LIPA: variants seen among roughly 807,000 people sequenced by gnomAD.
The protein encoded by LIPA is lipase A, lysosomal acid type, also known as lysosomal acid lipase/cholesteryl ester hydrolase.
A neutral mutation model predicts 40.6 loss-of-function variants in LIPA; 26 were observed. The observed-to-expected ratio is 0.64, with a 90% CI of 0.47 to 0.89. LIPA has a LOEUF of 0.89. Ranked by LOEUF, LIPA falls within the 40% of genes least tolerant of loss-of-function variation. LIPA has a pLI of 0.00. For synonymous variants in LIPA, 188 were observed against 168.4 expected (o/e 1.12, Z -0.90); for missense variants, 455 against 479.6 (o/e 0.95, Z 0.48).
At chr10:89,276,141 ACACT>A (rs1290621889) in intron 1 of LIPA, among the ~76,000 whole-genome samples, 1 of 152,232 alleles carries the variant, frequency 6.6e-6, no homozygotes, top group African/African-American at 2.4e-5. Context: ...CATTAAGAAG[ACACT>A]CACTCTCACG....
intron 4 of LIPA, 160 bp from the exon 5 acceptor site, chr10:89,227,164 TG>T (rs1842780648): frequency 1.5e-6 from 1 of 646,800 alleles, no homozygotes; most frequent in African/African-American, 1.8e-5. Context: ...GAAGCCCCCT[TG>T]GGCTCTCTTC....
chr10:89,284,316 A>G (rs1843330021), intron 1 of LIPA: 1 of 152,236 alleles, frequency 6.6e-6, no homozygotes, highest in Non-Finnish European at 1.5e-5. Context: ...TTCATCATAG[A>G]GGCAGGGTTT....
intron 3 of LIPA, among the ~76,000 whole-genome samples, chr10:89,236,399 C>A (rs1171022108): frequency 6.6e-6 from 1 of 152,180 alleles, no homozygotes; most frequent in Non-Finnish European, 1.5e-5. Context: ...GCAGTTTCTC[C>A]AGTAAATTGC....
intron 2 of LIPA, 119 bp downstream of exon 2, chr10:89,247,419 A>T: frequency 1.1e-5 from 7 of 638,820 alleles, no homozygotes; most frequent in South Asian, 8.7e-5. Context: ...AAATTCAGAG[A>T]AATTGAAAAG....
At chr10:89,297,540 C>T (rs1022413301) in intron 1 of LIPA, among the ~76,000 whole-genome samples, 3 of 152,160 alleles carry the variant, frequency 2.0e-5, no homozygotes, top group African/African-American at 7.2e-5. Context: ...TCCGCAGCAC[C>T]CCAGCCCACA....
chr10:89,331,025 A>G (rs1328243525), intron 1 of LIPA, among the ~76,000 whole-genome samples: 1 of 152,232 alleles, frequency 6.6e-6, no homozygotes, highest in Non-Finnish European at 1.5e-5. Flanking sequence ...TTCAACAAAA[A>G]GTTGAGGGCA....
At chr10:89,248,575 G>A (rs901645711) in intron 1 of LIPA, among the ~76,000 whole-genome samples, 3 of 148,684 alleles carry the variant, frequency 2.0e-5, no homozygotes, top group Admixed American at 6.7e-5. Context: ...CCCAGGTTCA[G>A]GCCATTCTCC....
At chr10:89,410,460 C>T (rs185883752) in intron 2 of LIPA, among the ~76,000 whole-genome samples, 204 of 152,328 alleles carry the variant, frequency 1.3e-3, no homozygotes, top group Admixed American at 6.7e-3. Context: ...TAATCCTGAC[C>T]TTAACCTATA....
chr10:89,328,033 G>A, intron 1 of LIPA: 1 of 1,613,204 alleles, frequency 6.2e-7, no homozygotes, highest in Non-Finnish European at 8.5e-7. Flanking sequence ...AATCAGCCTG[G>A]TCACCAGCTT....
chr10:89,338,599 T>G, intron 1 of LIPA: 1 of 1,457,506 alleles, frequency 6.9e-7, no homozygotes, highest in Non-Finnish European at 9.3e-7. Context: ...ATAAAATTAA[T>G]GATCACAGGG....
chr10:89,389,283 T>C lies in LIPA; in HGVS notation c.61+23508A>G, dbSNP rs141895105. ...CATGGAAATGGATTGATCGATTCAG[T>C]CAAGCCTTTGGTTTTTATGATTCTA... On this transcript the variant is annotated intron_variant, in intron 2 of 8. Transcript: ENST00000371837. 1.7e-3 allele frequency among the ~76,000 whole-genome samples: 262 copies of C among 152,310 alleles called. 5 individuals carry two copies. The East Asian group carries it at 0.043, about 25-fold the overall frequency.
intron 1 of LIPA, among the ~76,000 whole-genome samples, chr10:89,316,495 G>A (rs1401669393): frequency 6.6e-6 from 1 of 152,332 alleles, no homozygotes; most frequent in Non-Finnish European, 1.5e-5. Flanking sequence ...AGATGGAACT[G>A]CAAGGCAGCA....
intron 1 of LIPA, among the ~76,000 whole-genome samples, chr10:89,287,138 T>G (rs56787241): frequency 0.023 from 3,522 of 152,356 alleles, 163 homozygotes; most frequent in African/African-American, 0.079. Flanking sequence ...GATTGACTTC[T>G]TCCCAGATCT....
intron 1 of LIPA, among the ~76,000 whole-genome samples, chr10:89,261,181 T>C (rs1281832975): frequency 6.6e-6 from 1 of 152,238 alleles, no homozygotes; most frequent in Non-Finnish European, 1.5e-5. Flanking sequence ...TTGGATGTGA[T>C]GCCTAGTCCA....
intron 1 of LIPA, among the ~76,000 whole-genome samples, chr10:89,330,553 C>T (rs1320653884): frequency 6.6e-6 from 1 of 152,178 alleles, no homozygotes; most frequent in Non-Finnish European, 1.5e-5. Flanking sequence ...AGAACTGAAC[C>T]CAGATCTTGG....
intron 1 of LIPA, among the ~76,000 whole-genome samples, chr10:89,318,586 A>G (rs1347039584): frequency 6.6e-6 from 1 of 152,228 alleles, no homozygotes; most frequent in Non-Finnish European, 1.5e-5. Context: ...ACCTACAAAA[A>G]GATGTAGACT....
chr10:89,356,713 A>G (rs1193829880), intron 2 of LIPA, among the ~76,000 whole-genome samples: 1 of 152,204 alleles, frequency 6.6e-6, no homozygotes. Context: ...TTTCGTTTAT[A>G]TTACAATGTA....
intron 2 of LIPA, among the ~76,000 whole-genome samples, chr10:89,355,284 ATAATC>A (rs1843983229): frequency 6.6e-6 from 1 of 152,222 alleles, no homozygotes; most frequent in Non-Finnish European, 1.5e-5. Context: ...CATTTAAACT[ATAATC>A]TAATGTCTTC....
At chr10:89,374,341 A>ACT (rs1423325903) in intron 2 of LIPA, among the ~76,000 whole-genome samples, 2 of 150,098 alleles carry the variant, frequency 1.3e-5, no homozygotes, top group African/African-American at 5.1e-5. Context: ...AGACACACAC[A>ACT]CACTCTCTCT....
Sources: allele counts gnomAD v4.1 joint callset (sites outside exome capture counted in the v4.1 genomes callset), GRCh38; gene constraint gnomAD v4.1.1; transcripts MANE v1.5; gene names NCBI Gene and HGNC (gene_info 2026-07-23, HGNC 2026-07-21).